The following USP37 variants were observed in gnomAD, a reference collection of about 807,000 sequenced individuals.
USP37 encodes the protein ubiquitin carboxyl-terminal hydrolase 37.
Under a neutral mutation model 124.0 loss-of-function variants are expected in USP37, and 27 were observed. That is an observed-to-expected ratio of 0.22 (90% CI 0.16 to 0.30). The LOEUF is 0.30. USP37 is among the 10% of genes least tolerant of loss of function. The pLI is 1.00. For missense variants in USP37, 889 were observed against 1,140.4 expected (o/e 0.78, Z 3.17); for synonymous variants, 365 against 388.0 (o/e 0.94, Z 0.70).
rs201146997 is a variant in USP37 at position 218,466,191 on chromosome 2, C to T, written c.2300-15G>A. Reference sequence around the variant, plus strand: ...ACTGGCAGGATCTGAGGAAGCAGAACATAACATTAATTTGGAAAATCCTAA... The same window carrying T: ...ACTGGCAGGATCTGAGGAAGCAGAATATAACATTAATTTGGAAAATCCTAA... On this transcript the variant is annotated splice_polypyrimidine_tract_variant and intron_variant, in intron 20 of 25. Transcript: ENST00000258399. 2.7e-4 allele frequency: 428 copies of T among 1,579,654 alleles called. 1 individual carries two copies. The Middle Eastern group carries it at 3.7e-3, about 14-fold the overall frequency.
At chr2:218,525,468 A>G (rs1052523721) in intron 10 of USP37, among the ~76,000 whole-genome samples, 5 of 152,216 alleles carry the variant, frequency 3.3e-5, no homozygotes, top group African/African-American at 1.2e-4. Context: ...TGGGTGACAG[A>G]GTGAGACCCT....
Position 218,567,303 on chromosome 2 carries a change from T to C in USP37, c.-230+875A>G, listed in dbSNP as rs530127697. 1.2e-3 allele frequency among the ~76,000 whole-genome samples: 179 copies of C among 152,308 alleles called. 2 individuals carry two copies. Among genetic ancestry groups the C allele is most frequent in the African/African-American group, 4.1e-3 (172 of 41,568 alleles). ...GGCTTGCAAGACGCATCCTCCTCTA[T>C]TGGTTATTAAACAGCAGGAATTCGT... is the stretch of plus-strand genomic sequence containing the variant. On this transcript the variant is annotated intron_variant, in intron 1 of 25. Transcript: ENST00000258399.
At position 218,549,870 on chromosome 2, in the gene USP37, A is replaced by G; in HGVS notation, c.368T>C (p.Ile123Thr). 1 of 1,612,998 alleles carries G rather than the reference A, an allele frequency of 6.2e-7. No homozygotes were observed. Among genetic ancestry groups the G allele is most frequent in the South Asian group, 1.1e-5 (1 of 90,944 alleles). ...PSQGSGSFGA[I>T]LGSRTSQKET... ...CTTCTGTGAGGTCCTGCTGCCCAGA[A>G]TGGCTCCAAAACTACCAGACCCCTG... Residue 123 changes from isoleucine (I) to threonine (T), a missense_variant, in exon 6 of 26, where the codon ATT becomes ACT. Around this residue, in one of 3 missense-constraint regions of USP37, gnomAD observed 374 missense variants for 386.0 expected, o/e 0.97. Coordinates refer to ENST00000258399, the MANE Select transcript of USP37 (RefSeq NM_020935.3).
chr2:218,473,470 A>C (rs923191627), intron 20 of USP37, among the ~76,000 whole-genome samples: 1 of 152,230 alleles, frequency 6.6e-6, no homozygotes, highest in African/African-American at 2.4e-5. Flanking sequence ...ATGCAAAATA[A>C]TTCATAATTG....
rs1689052201 is a variant in USP37 at position 218,495,819 on chromosome 2, G to A, written c.1413C>T (p.Tyr471=). 2.5e-6 allele frequency: 4 copies of A among 1,613,830 alleles called. No individual in the cohort carries two copies. Among genetic ancestry groups the A allele is most frequent in the South Asian group, 1.1e-5 (1 of 91,070 alleles). ...NSPDISATRA[Y]TCPVITNLEF... is the part of the protein sequence containing the mutation. ...CCAAATTAGTAATAACAGGGCAAGTGTATGCTCTGGTAGCTGAAATATCTG... is the reference window on the plus strand; with the variant it reads ...CCAAATTAGTAATAACAGGGCAAGTATATGCTCTGGTAGCTGAAATATCTG... The change falls in exon 14 of 26, where the codon TAC becomes TAT. Residue 471 remains tyrosine, a synonymous_variant. Transcript: ENST00000258399.
rs185544765 is a variant in USP37 at position 218,524,725 on chromosome 2, G to A, written c.863+5231C>T. Among the ~76,000 whole-genome samples the A allele has an allele frequency of 3.5e-4, 53 of 152,092 alleles. No homozygotes were observed. In the East Asian group the frequency reaches 7.3e-3, roughly 21 times the overall value. On this transcript the variant is annotated intron_variant, in intron 10 of 25. Coordinates refer to ENST00000258399, the MANE Select transcript of USP37 (RefSeq NM_020935.3). Reference sequence around the variant, plus strand: ...CCTGGGTTCAAGTGATTCTCCTGTCGCAGCGTCCTGAGTAGCTGGGACTAC... The same window carrying A: ...CCTGGGTTCAAGTGATTCTCCTGTCACAGCGTCCTGAGTAGCTGGGACTAC...
chr2:218,564,621 ATCT>A (rs1292947489), intron 1 of USP37, among the ~76,000 whole-genome samples: 9 of 152,164 alleles, frequency 5.9e-5, no homozygotes, highest in Non-Finnish European at 1.3e-4. Context: ...TGCACTAGGT[ATCT>A]TCTTAACTTT....
intron 11 of USP37, among the ~76,000 whole-genome samples, chr2:218,498,601 G>A (rs967703297): frequency 1.2e-4 from 19 of 152,116 alleles, no homozygotes; most frequent in African/African-American, 3.1e-4. Flanking sequence ...GGTGGTATGC[G>A]CCTGTAATCG....
intron 10 of USP37, among the ~76,000 whole-genome samples, chr2:218,513,100 A>G (rs1052135344): frequency 6.8e-6 from 1 of 148,124 alleles, no homozygotes; most frequent in Non-Finnish European, 1.5e-5. Flanking sequence ...TAATATAGGC[A>G]TATATATATA....
At chr2:218,552,034 C>T (rs965249709) in intron 5 of USP37, among the ~76,000 whole-genome samples, 19 of 152,130 alleles carry the variant, frequency 1.2e-4, no homozygotes, top group South Asian at 6.2e-4. Context: ...CCTCGTGATC[C>T]GCCCACCTCG....
At chr2:218,541,569 C>G (rs1423212042) in intron 8 of USP37, among the ~76,000 whole-genome samples, 1 of 152,052 alleles carries the variant, frequency 6.6e-6, no homozygotes, top group Admixed American at 6.6e-5. Context: ...GTCAAACTAT[C>G]AAGATGAGCA....
chr2:218,467,168 C>T lies in USP37; in HGVS notation c.2300-992G>A, dbSNP rs528223402. On this transcript the variant is annotated intron_variant, in intron 20 of 25. Transcript: ENST00000258399. ...AAAACATTCAGGAAGGTAAGAAATC[C>T]CCTCCCCCCTCCTCCCTTCCCCCTC... 8.0e-5 allele frequency among the ~76,000 whole-genome samples: 12 copies of T among 150,082 alleles called. No homozygotes were observed. In the East Asian group the frequency reaches 2.2e-3, roughly 27 times the overall value.
intron 20 of USP37, among the ~76,000 whole-genome samples, chr2:218,471,614 C>A (rs560582914): frequency 2.6e-5 from 4 of 152,190 alleles, no homozygotes; most frequent in African/African-American, 9.7e-5. Context: ...CCTTGTCCCA[C>A]CAACTGTGCC....
At position 218,489,505 on chromosome 2, in the gene USP37, G is replaced by T. The variant is rs141470929; in HGVS notation, c.1473-1084C>A. On this transcript the variant is annotated intron_variant, in intron 14 of 25. Coordinates refer to ENST00000258399, the MANE Select transcript of USP37 (RefSeq NM_020935.3). ...AACTATTTTTTATTTTTTTGAGGCG[G>T]AGTTCTGCTTTTGTTGCCCAAGCTG... Among the ~76,000 whole-genome samples the T allele has an allele frequency of 2.6e-5, 4 of 151,586 alleles. No homozygotes were observed. The East Asian group carries it at 7.7e-4, about 29-fold the overall frequency.
chr2:218,516,342 A>G (rs192699570), intron 10 of USP37, among the ~76,000 whole-genome samples: 5 of 152,324 alleles, frequency 3.3e-5, no homozygotes, highest in Non-Finnish European at 5.9e-5. Flanking sequence ...CATATACACC[A>G]TAGAATACTA....
chr2:218,515,329 G>A (rs1033876870), intron 10 of USP37, among the ~76,000 whole-genome samples: 7 of 151,966 alleles, frequency 4.6e-5, no homozygotes, highest in African/African-American at 9.7e-5. Flanking sequence ...AAACAGCATC[G>A]CACTGGTACC....
At chr2:218,509,098 C>G (rs1574902636) in intron 11 of USP37, among the ~76,000 whole-genome samples, 1 of 152,194 alleles carries the variant, frequency 6.6e-6, no homozygotes, top group East Asian at 1.9e-4. Context: ...GATCTTCACT[C>G]TAGCCTGAAT....
intron 7 of USP37, 67 bp downstream of exon 7, chr2:218,546,852 G>T: frequency 6.6e-7 from 1 of 1,515,228 alleles, no homozygotes; most frequent in Non-Finnish European, 9.0e-7. Flanking sequence ...CAAATTACTG[G>T]TATTTCTAAA....
rs1055688 is a variant in USP37 at position 218,546,983 on chromosome 2, C to G, written c.538G>C (p.Ala180Pro). Residue 180 changes from alanine to proline, a missense_variant, in exon 7 of 26, where the codon GCT becomes CCT. By Grantham distance (27) the Ala-to-Pro change is conservative. Around this residue, in one of 3 missense-constraint regions of USP37, gnomAD observed 374 missense variants for 386.0 expected, o/e 0.97. Coordinates refer to ENST00000258399, the MANE Select transcript of USP37 (RefSeq NM_020935.3). ...SIKTVAGSGI[A>P]RTIPSLTSTS... The stretch of plus-strand genomic sequence containing the variant: ...GATGTCAAAGAAGGAATCGTCCGAG[C>G]TATTCCACTTCCTGCTACAGTCTTA... The G allele has an allele frequency of 6.2e-7, 1 of 1,613,656 alleles. No homozygotes were observed.
Sources: gnomAD v4.1 joint callset for allele counts (sites outside exome capture counted in the v4.1 genomes callset) on GRCh38, gnomAD v4.1.1 for gene constraint, gnomAD v4.1.1 regional missense constraint, MANE v1.5 for transcripts, NCBI Gene and HGNC (gene_info 2026-07-23, HGNC 2026-07-21) for gene names.